Variants in ICA1 observed in about 807,000 individuals in gnomAD.
ICA1 encodes islet cell autoantigen 1.
A neutral mutation model predicts 71.0 loss-of-function variants in ICA1; 40 were observed. The observed-to-expected ratio is 0.56, with a 90% CI of 0.44 to 0.73. The LOEUF (loss-of-function observed/expected upper bound fraction) is 0.73, where lower values mean the gene tolerates loss of function less well. Ranked by LOEUF, ICA1 falls within the 30% of genes least tolerant of loss-of-function variation. ICA1 has a pLI of 0.00. For synonymous variants in ICA1, 207 were observed against 209.5 expected (o/e 0.99, Z 0.10); for missense variants, 578 against 576.5 (o/e 1.00, Z -0.03).
At chr7:8,201,365 G>A (rs1164910533) in intron 6 of ICA1, among the ~76,000 whole-genome samples, 2 of 152,180 alleles carry the variant, frequency 1.3e-5, no homozygotes, top group African/African-American at 4.8e-5. Flanking sequence ...TATGGTGGTG[G>A]TATGATGGGG....
intron 6 of ICA1, 68 bp from the exon 7 acceptor site, chr7:8,158,720 G>C: frequency 6.7e-7 from 1 of 1,481,664 alleles, no homozygotes; most frequent in Non-Finnish European, 9.3e-7. Context: ...CAGGTGAAAT[G>C]AGACCAACAG....
chr7:8,250,109 A>G (rs1338182220), intron 1 of ICA1, among the ~76,000 whole-genome samples: 1 of 152,188 alleles, frequency 6.6e-6, no homozygotes, highest in East Asian at 1.9e-4. Context: ...CAGAGGTTTT[A>G]GCCACTAAGG....
intron 13 of ICA1, among the ~76,000 whole-genome samples, chr7:8,121,595 G>C (rs939012467): frequency 6.6e-6 from 1 of 152,242 alleles, no homozygotes; most frequent in Non-Finnish European, 1.5e-5. Context: ...ATGGTTACCA[G>C]AGGCTGGAAA....
intron 6 of ICA1, among the ~76,000 whole-genome samples, chr7:8,198,995 C>T (rs139022581): frequency 1.3e-5 from 2 of 152,298 alleles, no homozygotes; most frequent in Non-Finnish European, 1.5e-5. Flanking sequence ...CAAAAAAGTG[C>T]TCAACATCGT....
At chr7:8,244,232 C>A (rs1248580146) in intron 1 of ICA1, among the ~76,000 whole-genome samples, 1 of 152,116 alleles carries the variant, frequency 6.6e-6, no homozygotes, top group African/African-American at 2.4e-5. Flanking sequence ...TGGAACAGAA[C>A]ACAGAACTCA....
At position 8,127,902 on chromosome 7, in the gene ICA1, T is replaced by C. The variant is rs150509994; in HGVS notation, c.1301A>G (p.Asn434Ser). 3 of 1,614,022 alleles carry C rather than the reference T, an allele frequency of 1.9e-6. No individual in the cohort carries two copies. Among genetic ancestry groups the C allele is most frequent in the Non-Finnish European group, 2.5e-6 (3 of 1,180,002 alleles). ...TAGCGAGGCCTGTAAGTCTTTCATA[T>C]TTTGGTCTAAAAGCTGCGAAGGAAG... ...GFLPSQLLDQ[N>S]MKDLQASLQE... Residue 434 changes from asparagine to serine, a missense_variant, in exon 13 of 14, where the codon AAT becomes AGT. Coordinates refer to ENST00000402384, the MANE Select transcript of ICA1 (RefSeq NM_001136020.3).
At chr7:8,133,878 G>T in intron 12 of ICA1, among the ~76,000 whole-genome samples, 1 of 145,014 alleles carries the variant, frequency 6.9e-6, no homozygotes, top group Non-Finnish European at 1.5e-5. Context: ...CAACCAATAG[G>T]AATCTTAGAG....
chr7:8,224,599 C>T (rs537134793), intron 4 of ICA1, among the ~76,000 whole-genome samples: 2 of 152,300 alleles, frequency 1.3e-5, no homozygotes, highest in African/African-American at 2.4e-5. Context: ...TTTACATAAT[C>T]ATGGCACAAT....
intron 3 of ICA1, among the ~76,000 whole-genome samples, chr7:8,230,864 A>T (rs771002978): frequency 2.6e-5 from 4 of 152,204 alleles, no homozygotes; most frequent in Non-Finnish European, 5.9e-5. Context: ...CTGAGAACTG[A>T]TATTAATTGC....
In ICA1 at chr7:8,123,792, C is replaced by T. The variant is rs977475677; in HGVS notation, c.1330+4081G>A. On this transcript the variant is annotated intron_variant, in intron 13 of 13. Coordinates refer to ENST00000402384, the MANE Select transcript of ICA1 (RefSeq NM_001136020.3). This position sits in a 1 kb window ranked among gnomAD's most constrained non-coding sequence, Gnocchi z 4.1. ...TCTGAAGAGCCCCACTGGGAAATCC[C>T]TTTTGCTCTCAGAGACTGTACTGAG... Among the ~76,000 whole-genome samples, 2 of 152,136 alleles carry T rather than the reference C, an allele frequency of 1.3e-5. No individual in the cohort carries two copies. The highest frequency in any genetic ancestry group is 4.8e-5 in the African/African-American group (2 of 41,438).
chr7:8,233,266 A>G lies in ICA1; in HGVS notation c.18-511T>C, dbSNP rs1043620336. 6.6e-5 allele frequency among the ~76,000 whole-genome samples: 10 copies of G among 152,356 alleles called. No individual in the cohort carries two copies. In the South Asian group the frequency reaches 2.1e-3, roughly 32 times the overall value. On this transcript the variant is annotated intron_variant, in intron 2 of 13. Transcript: ENST00000402384. ...CAAACTCACAGAAGCAGAGAGTAGAATGGCAGTTACGAGTGGCTAGAAGGT... is the reference window on the plus strand; with the variant it reads ...CAAACTCACAGAAGCAGAGAGTAGAGTGGCAGTTACGAGTGGCTAGAAGGT...
rs963032020 is a variant in ICA1 at position 8,232,216 on chromosome 7, G to A, written c.183+374C>T. On this transcript the variant is annotated intron_variant, in intron 3 of 13. Coordinates refer to ENST00000402384, the MANE Select transcript of ICA1 (RefSeq NM_001136020.3). ...AAACTTATTAGACTCTACTTTCCAC[G>A]ACGTTTTACCTGAGTTCTTCTTTTA... Among the ~76,000 whole-genome samples the A allele has an allele frequency of 6.6e-4, 100 of 152,052 alleles. 1 individual carries two copies. Among genetic ancestry groups the A allele is most frequent in the Admixed American group, 6.2e-3 (94 of 15,238 alleles).
rs527866758 is a variant in ICA1 at position 8,134,005 on chromosome 7, C to T, written c.1060+4835G>A. 2.6e-5 allele frequency among the ~76,000 whole-genome samples: 4 copies of T among 152,228 alleles called. No homozygotes were observed. The South Asian group carries it at 8.3e-4, about 32-fold the overall frequency. On this transcript the variant is annotated intron_variant, in intron 12 of 13. Coordinates refer to ENST00000402384, the MANE Select transcript of ICA1 (RefSeq NM_001136020.3). ...CTTGCTAGGGACCCCAACTCACAGT[C>T]AAGGTGTTTTCTCACTGTAGCACTC...
intron 6 of ICA1, among the ~76,000 whole-genome samples, chr7:8,182,258 C>G (rs898208961): frequency 1.3e-5 from 2 of 152,124 alleles, no homozygotes; most frequent in Non-Finnish European, 2.9e-5. Flanking sequence ...CTAACAAGAT[C>G]CTTTATGTTC....
chr7:8,219,598 C>T (rs1796434277), intron 5 of ICA1, among the ~76,000 whole-genome samples: 1 of 152,204 alleles, frequency 6.6e-6, no homozygotes, highest in African/African-American at 2.4e-5. Flanking sequence ...ATAACCTGCT[C>T]ACACTGTCCT....
intron 2 of ICA1, among the ~76,000 whole-genome samples, chr7:8,235,163 CA>C (rs772738236): frequency 0.02 from 2,682 of 134,070 alleles, 75 homozygotes; most frequent in African/African-American, 0.066. Context: ...GACTCCATCT[CA>C]AAAAAAAAAA....
rs1791076156 is a variant in ICA1 at position 8,130,574 on chromosome 7, C to T, written c.1061-2432G>A. On this transcript the variant is annotated intron_variant, in intron 12 of 13. Coordinates refer to ENST00000402384, the MANE Select transcript of ICA1 (RefSeq NM_001136020.3). The surrounding 1 kb of genome is among the most constrained non-coding windows in gnomAD (Gnocchi z 4.2). ...AGATAATTACTGAACCAAACCTATT[C>T]TATTGAAACCAAGTCAAGTCAATGT... is the stretch of plus-strand genomic sequence containing the variant. 6.6e-6 allele frequency among the ~76,000 whole-genome samples: 1 copy of T among 152,220 alleles called. No individual in the cohort carries two copies. The highest frequency in any genetic ancestry group is 6.5e-5 in the Admixed American group (1 of 15,278).
At chr7:8,166,118 T>G (rs891330219) in intron 6 of ICA1, among the ~76,000 whole-genome samples, 1 of 152,192 alleles carries the variant, frequency 6.6e-6, no homozygotes, top group African/African-American at 2.4e-5. Context: ...GACTTCAAAC[T>G]ATACTACAAG....
chr7:8,177,934 G>A (rs150760706), intron 6 of ICA1, among the ~76,000 whole-genome samples: 1 of 152,280 alleles, frequency 6.6e-6, no homozygotes, highest in Non-Finnish European at 1.5e-5. Context: ...TCAAAAGACT[G>A]ATGCATTAAC....
Sources: gnomAD v4.1 joint callset for allele counts (sites outside exome capture counted in the v4.1 genomes callset) on GRCh38, gnomAD v4.1.1 for gene constraint, Gnocchi (gnomAD v3.1) non-coding constraint, MANE v1.5 for transcripts, NCBI Gene and HGNC (gene_info 2026-07-23, HGNC 2026-07-21) for gene names.